The following FRS2 variants were observed in gnomAD, a reference collection of about 807,000 sequenced individuals.
The protein encoded by FRS2 is fibroblast growth factor receptor substrate 2, also known as FGFR signalling adaptor.
FRS2 carries 8 observed loss-of-function variants against 43.9 expected under a neutral mutation model. That is an observed-to-expected ratio of 0.18 (90% CI 0.11 to 0.33). The LOEUF (loss-of-function observed/expected upper bound fraction) is 0.33, where lower values mean the gene tolerates loss of function less well. Ranked by LOEUF, FRS2 falls within the 10% of genes least tolerant of loss-of-function variation. The probability of loss-of-function intolerance (pLI) is 1.00; values close to 1 mark genes in which losing one functional copy is unlikely to be tolerated. For missense variants in FRS2, 534 were observed against 627.6 expected (o/e 0.85, Z 1.59); for synonymous variants, 219 against 220.3 (o/e 0.99, Z 0.05).
rs149061247 is a variant in FRS2, at chr12:69,563,675, C to T, written c.-27+1401C>T. Among the ~76,000 whole-genome samples, 830 of 152,304 alleles carry T rather than the reference C, an allele frequency of 5.4e-3. 9 individuals carry two copies. Among genetic ancestry groups the T allele is most frequent in the African/African-American group, 0.019 (791 of 41,564 alleles). ...TTCTCATCTCAGCCTACTTAATAAT[C>T]CTGCTCTCTTTTCTTGGGTAGCTCC... On this transcript the variant is annotated intron_variant, in intron 4 of 8. Coordinates refer to ENST00000549921, the MANE Select transcript of FRS2 (RefSeq NM_001278356.2).
chr12:69,570,631 GATTGTTAAGGAAA>G lies in FRS2; in HGVS notation c.253+115_253+127del, dbSNP rs540347888. The G allele has an allele frequency of 3.5e-4, 227 of 651,810 alleles. 2 individuals are homozygous for G. The highest frequency in any genetic ancestry group is 2.1e-3 in the African/African-American group (116 of 54,802). 40.4% of individuals were successfully genotyped at this position (651,810 alleles called of 1,614,324 possible). On this transcript the variant is annotated intron_variant, in intron 6 of 8. Transcript: ENST00000549921. ...TCTGAAAAAAATCCCAAAATAAACA[GATTGTTAAGGAAA>G]GATATAGTATACTGTGTATTAATTT...
chr12:69,573,232 T>A (rs1880913612), intron 8 of FRS2, among the ~76,000 whole-genome samples: 1 of 152,238 alleles, frequency 6.6e-6, no homozygotes, highest in Non-Finnish European at 1.5e-5. Flanking sequence ...TATATGCATT[T>A]TACAGAACTC....
chr12:69,503,969 C>T (rs947899353), intron 1 of FRS2, among the ~76,000 whole-genome samples: 2 of 152,008 alleles, frequency 1.3e-5, no homozygotes, highest in African/African-American at 4.8e-5. Context: ...TTTGGGAAGC[C>T]GAGGTGGGTG....
intron 3 of FRS2, among the ~76,000 whole-genome samples, chr12:69,550,582 G>A (rs1433134253): frequency 6.6e-6 from 1 of 152,172 alleles, no homozygotes; most frequent in African/African-American, 2.4e-5. Flanking sequence ...GGGCGGTGGA[G>A]CAAGACCTGT....
rs61759368 is a variant in FRS2, at chr12:69,571,841, G to A, written c.413-277G>A. Among the ~76,000 whole-genome samples the A allele has an allele frequency of 7.7e-3, 1,172 of 152,222 alleles. 18 individuals are homozygous for A. The highest frequency in any genetic ancestry group is 0.027 in the African/African-American group (1,126 of 41,520). On this transcript the variant is annotated intron_variant, in intron 7 of 8. Coordinates refer to ENST00000549921, the MANE Select transcript of FRS2 (RefSeq NM_001278356.2). Reference sequence around the variant, plus strand: ...ATCATGCCACTGCATTCCAGCCTGGGCGACATAGCAAGACTCCGTCTCAAA... The same window carrying A: ...ATCATGCCACTGCATTCCAGCCTGGACGACATAGCAAGACTCCGTCTCAAA...
intron 1 of FRS2, among the ~76,000 whole-genome samples, chr12:69,521,717 C>A (rs1486334125): frequency 6.6e-6 from 1 of 152,104 alleles, no homozygotes; most frequent in Non-Finnish European, 1.5e-5. Flanking sequence ...CGGGTTCACG[C>A]CATTCTCCTG....
In FRS2 at chr12:69,571,298, C is replaced by T; in HGVS notation, c.276C>T (p.Ala92=). Residue 92 remains alanine, a synonymous_variant, in exon 7 of 9, where the codon GCC becomes GCT. Coordinates refer to ENST00000549921, the MANE Select transcript of FRS2 (RefSeq NM_001278356.2). The part of the protein sequence containing the change: ...TGQGIFAFKC[A]RAEELFNMLQ... The stretch of plus-strand genomic sequence containing the variant: ...TAGGAATCTTTGCCTTTAAGTGTGC[C>T]CGTGCAGAAGAATTATTTAACATGT... The T allele has an allele frequency of 1.2e-6, 2 of 1,606,280 alleles. No individual in the cohort carries two copies. Among genetic ancestry groups the T allele is most frequent in the East Asian group, 4.5e-5 (2 of 44,598 alleles).
chr12:69,484,804 A>G (rs1457241092), intron 1 of FRS2, among the ~76,000 whole-genome samples: 2 of 152,180 alleles, frequency 1.3e-5, no homozygotes, highest in Non-Finnish European at 2.9e-5. Flanking sequence ...TATATGGCTA[A>G]TAATGTCTGA....
chr12:69,536,101 CTTTTTTTTTTTTTTTTTTT>C (rs71094720), intron 3 of FRS2, among the ~76,000 whole-genome samples: 33 of 37,212 alleles, frequency 8.9e-4, no homozygotes, highest in Non-Finnish European at 1.5e-3. Context: ...TATTTTCATT[CTTTTTTTTTTTTTTTTTTT>C]TTTTTTTTTT....
intron 3 of FRS2, among the ~76,000 whole-genome samples, chr12:69,556,258 A>G (rs1879342505): frequency 1.3e-5 from 2 of 152,204 alleles, no homozygotes; most frequent in African/African-American, 4.8e-5. Flanking sequence ...GTTTGGAAAT[A>G]CAGATTTATA....
At chr12:69,532,673 G>A (rs1381056327) in intron 3 of FRS2, among the ~76,000 whole-genome samples, 3 of 152,086 alleles carry the variant, frequency 2.0e-5, no homozygotes, top group Admixed American at 6.5e-5. Context: ...CTGAATTTTA[G>A]AAGGGACACA....
chr12:69,525,767 T>G (rs181644119), intron 1 of FRS2, among the ~76,000 whole-genome samples: 5 of 152,180 alleles, frequency 3.3e-5, no homozygotes, highest in Non-Finnish European at 5.9e-5. Context: ...TTTAAAAGAA[T>G]GTTGGTTTTT....
chr12:69,484,955 A>G (rs1248859763), intron 1 of FRS2, among the ~76,000 whole-genome samples: 4 of 152,124 alleles, frequency 2.6e-5, no homozygotes, highest in Non-Finnish European at 5.9e-5. Flanking sequence ...AACAGAAGAC[A>G]TCAAAACCTG....
intron 1 of FRS2, among the ~76,000 whole-genome samples, chr12:69,522,307 C>A (rs1401299320): frequency 6.6e-6 from 1 of 151,316 alleles, no homozygotes; most frequent in Non-Finnish European, 1.5e-5. Flanking sequence ...CCCTCCTCCT[C>A]AGTTTTTTTG....
rs1227837050 is a variant in FRS2 at position 69,574,854 on chromosome 12, A to G, written c.1426A>G (p.Ile476Val). The change falls in exon 9 of 9, where the codon ATC (isoleucine) becomes GTC (valine). Residue 476 changes from isoleucine (I) to valine (V), a missense_variant. This residue lies in a region of FRS2 where 446 missense variants were observed against 494.2 expected (regional missense o/e 0.90). Transcript: ENST00000549921. ...CACAGAGCTGTATGCCGTGATAGAC[A>G]TCGAGAGAACTGCTGCTATGTCAAA... The part of the protein sequence containing the change: ...RRTELYAVID[I>V]ERTAAMSNLQ... 9.3e-6 allele frequency: 15 copies of G among 1,614,020 alleles called. No individual in the cohort carries two copies. Among genetic ancestry groups the G allele is most frequent in the Middle Eastern group, 1.6e-4 (1 of 6,062 alleles).
At chr12:69,498,747 A>T (rs1448601445) in intron 1 of FRS2, among the ~76,000 whole-genome samples, 2 of 151,952 alleles carry the variant, frequency 1.3e-5, no homozygotes, top group Non-Finnish European at 2.9e-5. Flanking sequence ...GAAGTGGAGG[A>T]TTGGCAGAGG....
At chr12:69,518,946 G>A (rs915128105) in intron 1 of FRS2, among the ~76,000 whole-genome samples, 8 of 151,224 alleles carry the variant, frequency 5.3e-5, no homozygotes, top group African/African-American at 1.5e-4. Flanking sequence ...CCCGGGAAGC[G>A]GGTAGCGCCC....
intron 3 of FRS2, among the ~76,000 whole-genome samples, chr12:69,544,501 G>C (rs1231366884): frequency 6.6e-6 from 1 of 152,122 alleles, no homozygotes; most frequent in Non-Finnish European, 1.5e-5. Context: ...GAGATCAGGA[G>C]TTTGATACCA....
In FRS2 at chr12:69,548,493, C is replaced by CT. The variant is rs1485830846; in HGVS notation, c.-121-13685dup. On this transcript the variant is annotated intron_variant, in intron 3 of 8. Coordinates refer to ENST00000549921, the MANE Select transcript of FRS2 (RefSeq NM_001278356.2). ...AGGTTGGTAACTTTTATTTTTGATT[C>CT]TTAGGAGTTTAGTTGGTTTGACTAA... Among the ~76,000 whole-genome samples the CT allele has an allele frequency of 2.0e-5, 3 of 152,070 alleles. No individual in the cohort carries two copies. The South Asian group carries it at 6.2e-4, about 32-fold the overall frequency.
Sources: allele counts gnomAD v4.1 joint callset (sites outside exome capture counted in the v4.1 genomes callset), GRCh38; gene constraint gnomAD v4.1.1; regional missense constraint gnomAD v4.1.1; transcripts MANE v1.5; gene names NCBI Gene and HGNC (gene_info 2026-07-23, HGNC 2026-07-21).